TBC1D5: variants seen among roughly 807,000 people sequenced by gnomAD.
TBC1D5 encodes TBC1 domain family, member 5.
Under a neutral mutation model 100.3 loss-of-function variants are expected in TBC1D5, and 75 were observed. The ratio of observed to expected loss-of-function variants is 0.75; its 90% CI spans 0.62 to 0.91. The LOEUF (loss-of-function observed/expected upper bound fraction) is 0.91, where lower values mean the gene tolerates loss of function less well. Among genes scored for constraint, TBC1D5 ranks in the 40% least tolerant of loss-of-function variants. The pLI is 0.00. For synonymous variants in TBC1D5, 323 were observed against 325.6 expected, an observed-to-expected ratio of 0.99 and a Z score of 0.09; for missense variants, 910 against 942.4, an observed-to-expected ratio of 0.97 and a Z score of 0.45.
chr3:17,162,602 T>C (rs2066176472), intron 21 of TBC1D5, among the ~76,000 whole-genome samples: 1 of 152,186 alleles, frequency 6.6e-6, no homozygotes, highest in Non-Finnish European at 1.5e-5. Flanking sequence ...TAACATTCTA[T>C]TAACACATTA....
At chr3:17,403,405 T>C (rs1320769198) in intron 7 of TBC1D5, among the ~76,000 whole-genome samples, 157 bp from the exon 8 acceptor site, 2 of 152,086 alleles carry the variant, frequency 1.3e-5, no homozygotes, top group East Asian at 3.9e-4. Flanking sequence ...TTTATTAAAA[T>C]CTAATTTAAT....
chr3:17,289,825 G>C (rs932185351), intron 15 of TBC1D5, among the ~76,000 whole-genome samples: 9 of 152,084 alleles, frequency 5.9e-5, no homozygotes, highest in African/African-American at 2.2e-4. Context: ...TCCTAACTCA[G>C]GTTCCTTACG....
At chr3:17,655,108 C>T (rs2065932956) in intron 1 of TBC1D5, among the ~76,000 whole-genome samples, 1 of 151,734 alleles carries the variant, frequency 6.6e-6, no homozygotes, top group Non-Finnish European at 1.5e-5. Context: ...TTTCAAAAAA[C>T]CAGCTCCTGG....
chr3:17,539,335 C>T (rs548996361), intron 2 of TBC1D5, among the ~76,000 whole-genome samples: 1 of 152,110 alleles, frequency 6.6e-6, no homozygotes, highest in South Asian at 2.1e-4. Context: ...TCTTATGAGA[C>T]TTAAAATGAT....
At chr3:17,587,980 T>G (rs547443722) in intron 2 of TBC1D5, among the ~76,000 whole-genome samples, 2 of 152,032 alleles carry the variant, frequency 1.3e-5, no homozygotes, top group African/African-American at 4.8e-5. Context: ...AGTACCAATA[T>G]ATATTATCAT....
chr3:17,511,643 C>G (rs576000322), intron 2 of TBC1D5, among the ~76,000 whole-genome samples: 23 of 152,014 alleles, frequency 1.5e-4, no homozygotes, highest in African/African-American at 5.1e-4. Context: ...GTCTTTTTGA[C>G]TCCTTAGAGA....
intron 3 of TBC1D5, among the ~76,000 whole-genome samples, chr3:17,478,170 C>A (rs1275102282): frequency 6.6e-6 from 1 of 152,046 alleles, no homozygotes; most frequent in African/African-American, 2.4e-5. Flanking sequence ...GCTCTCATTG[C>A]TTCCATTATT....
At chr3:17,713,319 G>A (rs948569730) in intron 1 of TBC1D5, among the ~76,000 whole-genome samples, 2 of 148,820 alleles carry the variant, frequency 1.3e-5, no homozygotes, top group African/African-American at 5.0e-5. Flanking sequence ...TCAGCTTACT[G>A]CAAGCTCCGC....
At chr3:17,225,439 CAAA>C (rs35631452) in intron 17 of TBC1D5, among the ~76,000 whole-genome samples, 3 of 88,346 alleles carry the variant, frequency 3.4e-5, no homozygotes, top group Non-Finnish European at 4.4e-5. Flanking sequence ...GACTCGGTCT[CAAA>C]AAAAAAAAAA....
chr3:17,257,739 A>G (rs962511256), intron 16 of TBC1D5, among the ~76,000 whole-genome samples: 1 of 152,224 alleles, frequency 6.6e-6, no homozygotes, highest in Non-Finnish European at 1.5e-5. Context: ...CACATTGTGT[A>G]TATGTATTCC....
chr3:17,497,172 G>A (rs1052379366), intron 3 of TBC1D5, among the ~76,000 whole-genome samples: 11 of 148,616 alleles, frequency 7.4e-5, no homozygotes, highest in African/African-American at 2.7e-4. Flanking sequence ...GCTCCTTCTT[G>A]TTTGTTATTA....
chr3:17,710,838 C>T (rs2074656311), intron 1 of TBC1D5, among the ~76,000 whole-genome samples: 1 of 152,030 alleles, frequency 6.6e-6, no homozygotes, highest in South Asian at 2.1e-4. Context: ...GCTAGGATTA[C>T]AGGCATGCGT....
intron 2 of TBC1D5, among the ~76,000 whole-genome samples, chr3:17,610,635 C>T (rs571881500): frequency 6.6e-6 from 1 of 152,276 alleles, no homozygotes; most frequent in Non-Finnish European, 1.5e-5. Flanking sequence ...ACTTGTATGT[C>T]TCTATGTAAA....
At chr3:17,271,543 C>A (rs540213470) in intron 15 of TBC1D5, among the ~76,000 whole-genome samples, 19 of 152,120 alleles carry the variant, frequency 1.2e-4, no homozygotes. Context: ...CATCATATTG[C>A]CAGAGAAGAG....
chr3:17,258,617 G>A (rs1487182992), intron 15 of TBC1D5, 26 bp from the exon 16 acceptor site: 2 of 1,584,754 alleles, frequency 1.3e-6, no homozygotes, highest in Non-Finnish European at 8.6e-7. Flanking sequence ...TTTTTAAAAA[G>A]CTAGTTAAAT....
chr3:17,545,147 A>G (rs1466332387), intron 2 of TBC1D5, among the ~76,000 whole-genome samples: 2 of 152,198 alleles, frequency 1.3e-5, no homozygotes, highest in Non-Finnish European at 2.9e-5. Flanking sequence ...CGTACATTGA[A>G]ACCCTAACCC....
intron 8 of TBC1D5, among the ~76,000 whole-genome samples, chr3:17,388,369 C>T (rs1180508242): frequency 6.6e-6 from 1 of 151,978 alleles, no homozygotes; most frequent in East Asian, 1.9e-4. Context: ...AAAATTCAAA[C>T]ATTTAATAAA....
At chr3:17,606,296 A>T (rs995857672) in intron 2 of TBC1D5, among the ~76,000 whole-genome samples, 5 of 152,142 alleles carry the variant, frequency 3.3e-5, no homozygotes, top group African/African-American at 1.2e-4. Context: ...TTAAAAAATT[A>T]GCCATCCATG....
intron 13 of TBC1D5, chr3:17,337,437 A>G (rs1241697137): frequency 6.6e-6 from 1 of 152,190 alleles, no homozygotes; most frequent in Non-Finnish European, 1.5e-5. Context: ...TGGCTAGAAC[A>G]AGAAAGCCTA....
Sources: allele counts gnomAD v4.1 joint callset (sites outside exome capture counted in the v4.1 genomes callset), GRCh38; gene constraint gnomAD v4.1.1; transcripts MANE v1.5; gene names NCBI Gene and HGNC (gene_info 2026-07-23, HGNC 2026-07-21).